SOBP: variants seen among roughly 807,000 people sequenced by gnomAD.
SOBP encodes sine oculis-binding protein homolog.
In SOBP, 4 loss-of-function variants were observed where a neutral mutation model predicts 53.6. That is an observed-to-expected ratio of 0.07 (90% CI 0.04 to 0.17). SOBP has a LOEUF of 0.17. SOBP is among the 10% of genes least tolerant of loss of function. The pLI, the probability that SOBP is intolerant of heterozygous loss-of-function variation, is 1.00. For synonymous variants in SOBP, 584 were observed against 522.6 expected (o/e 1.12, Z -1.60); for missense variants, 1,088 against 1,204.7 (o/e 0.90, Z 1.43).
At chr6:107,512,972 A>G (rs1443311859) in intron 3 of SOBP, among the ~76,000 whole-genome samples, 2 of 152,214 alleles carry the variant, frequency 1.3e-5, no homozygotes, top group Non-Finnish European at 2.9e-5. Flanking sequence ...AATGTGAAAA[A>G]AAGAGGGAAT....
chr6:107,537,852 T>G (rs1285333277), intron 4 of SOBP, among the ~76,000 whole-genome samples: 1 of 151,650 alleles, frequency 6.6e-6, no homozygotes, highest in African/African-American at 2.4e-5. Context: ...GAAATACTTC[T>G]TCAATATCAT....
intron 3 of SOBP, among the ~76,000 whole-genome samples, chr6:107,517,497 T>C (rs927509682): frequency 5.9e-5 from 9 of 152,180 alleles, no homozygotes; most frequent in Non-Finnish European, 8.8e-5. Context: ...ATCCTCATGA[T>C]CTCATTTAAC....
chr6:107,490,410 A>G lies in SOBP; in HGVS notation c.-207A>G, dbSNP rs1782546045. 6 of 486,556 alleles carry G rather than the reference A, an allele frequency of 1.2e-5. No homozygotes were observed. The Admixed American group carries it at 1.7e-4, about 14-fold the overall frequency. The allele number at this position is 486,556 out of a possible 1,614,324, so 30.1% of individuals were successfully genotyped here. A position where few individuals can be genotyped will look rare whatever the true frequency, so the allele number is the denominator to read the frequency against. ...ACTCTCCGCACTATCCTTACCCGTG[A>G]CAGCCACTGACGTCCTCCGCCGCTA... On this transcript the variant is annotated 5_prime_UTR_variant, in exon 1 of 7. Coordinates refer to ENST00000317357, the MANE Select transcript of SOBP (RefSeq NM_018013.4).
At chr6:107,534,925 C>T (rs1013919223) in intron 4 of SOBP, among the ~76,000 whole-genome samples, 1 of 152,190 alleles carries the variant, frequency 6.6e-6, no homozygotes, top group Middle Eastern at 3.4e-3. Context: ...TCTCTGAGAC[C>T]CCGGGGCTCC....
In SOBP at chr6:107,638,453, C is replaced by T. The variant is rs1771154573; in HGVS notation, c.*3+2984C>T. Among the ~76,000 whole-genome samples, 7 of 152,210 alleles carry T rather than the reference C, an allele frequency of 4.6e-5. No individual in the cohort carries two copies. The South Asian group carries it at 1.5e-3, about 32-fold the overall frequency. The stretch of plus-strand genomic sequence containing the variant: ...CTCGAACTCCTGACCTCAGGTGATC[C>T]ACCCACCTCGGCCTCCCAAAGTGCT... On this transcript the variant is annotated intron_variant, in intron 6 of 6. Coordinates refer to ENST00000317357, the MANE Select transcript of SOBP (RefSeq NM_018013.4).
intron 1 of SOBP, among the ~76,000 whole-genome samples, chr6:107,500,708 A>G (rs1355335349): frequency 6.6e-6 from 1 of 151,166 alleles, no homozygotes; most frequent in Middle Eastern, 3.2e-3. Flanking sequence ...TTTTTATTAG[A>G]GACGGATGGG....
chr6:107,649,476 C>CA (rs113367905), intron 6 of SOBP, among the ~76,000 whole-genome samples: 506 of 139,880 alleles, frequency 3.6e-3, no homozygotes, highest in South Asian at 7.6e-3. Context: ...GACCCTGTCT[C>CA]AAAAAAAAAA....
At chr6:107,499,507 C>G (rs912074827) in intron 1 of SOBP, among the ~76,000 whole-genome samples, 3 of 152,128 alleles carry the variant, frequency 2.0e-5, no homozygotes, top group African/African-American at 7.2e-5. Flanking sequence ...TGTGTCACTT[C>G]CAAGGGCAAG....
intron 1 of SOBP, among the ~76,000 whole-genome samples, chr6:107,503,227 A>G (rs1782889898): frequency 6.6e-6 from 1 of 152,216 alleles, no homozygotes. Context: ...CAACACCTAA[A>G]TCAGAAAGCA....
chr6:107,646,702 A>T (rs2115170198), intron 6 of SOBP, among the ~76,000 whole-genome samples: 1 of 152,306 alleles, frequency 6.6e-6, no homozygotes, highest in Admixed American at 6.5e-5. Context: ...AACCTTTTGG[A>T]TATGTCCTCT....
chr6:107,619,378 G>T (rs1397754583), intron 5 of SOBP, among the ~76,000 whole-genome samples: 1 of 152,168 alleles, frequency 6.6e-6, no homozygotes, highest in African/African-American at 2.4e-5. Flanking sequence ...GATGAATGAA[G>T]TTTAAGTATG....
At chr6:107,526,095 C>A (rs565932592) in intron 3 of SOBP, among the ~76,000 whole-genome samples, 8 of 152,010 alleles carry the variant, frequency 5.3e-5, no homozygotes, top group African/African-American at 1.9e-4. Flanking sequence ...TTACAGGCAG[C>A]CGCCACCATG....
intron 4 of SOBP, among the ~76,000 whole-genome samples, chr6:107,586,424 G>A (rs1297635376): frequency 3.9e-5 from 6 of 152,142 alleles, no homozygotes; most frequent in Admixed American, 3.3e-4. Flanking sequence ...TTGCTAATGG[G>A]TTCTGTTAAT....
intron 4 of SOBP, among the ~76,000 whole-genome samples, chr6:107,554,024 G>A (rs1018381699): frequency 2.0e-5 from 3 of 152,162 alleles, no homozygotes; most frequent in African/African-American, 7.2e-5. Flanking sequence ...GACATGTGCA[G>A]CCTAGAATGG....
chr6:107,566,083 T>C (rs756716013), intron 4 of SOBP, among the ~76,000 whole-genome samples: 1 of 152,248 alleles, frequency 6.6e-6, no homozygotes, highest in Non-Finnish European at 1.5e-5. Flanking sequence ...TATGAACTAA[T>C]TGGCTGATTT....
intron 5 of SOBP, among the ~76,000 whole-genome samples, chr6:107,604,591 TCCTTGTTA>T (rs1286170927): frequency 7.2e-6 from 1 of 138,744 alleles, no homozygotes; most frequent in Non-Finnish European, 1.5e-5. Flanking sequence ...ACAGCCCTGC[TCCTTGTTA>T]CCCATCTCCC....
At chr6:107,577,451 A>T (rs1785263798) in intron 4 of SOBP, among the ~76,000 whole-genome samples, 1 of 152,180 alleles carries the variant, frequency 6.6e-6, no homozygotes, top group Non-Finnish European at 1.5e-5. Flanking sequence ...ACATCCAGGG[A>T]CTCAGTTTCA....
chr6:107,599,390 C>A (rs1476605412), intron 5 of SOBP, among the ~76,000 whole-genome samples: 1 of 152,000 alleles, frequency 6.6e-6, no homozygotes. Context: ...AGTCCGAATC[C>A]GTTTTTTAAA....
At chr6:107,630,079 G>T (rs1770640756) in intron 5 of SOBP, among the ~76,000 whole-genome samples, 2 of 152,198 alleles carry the variant, frequency 1.3e-5, no homozygotes, top group African/African-American at 4.8e-5. Context: ...GGACCTGTTA[G>T]TGAGAGAAGT....
Sources: allele counts gnomAD v4.1 joint callset (sites outside exome capture counted in the v4.1 genomes callset), GRCh38; gene constraint gnomAD v4.1.1; transcripts MANE v1.5; gene names NCBI Gene and HGNC (gene_info 2026-07-23, HGNC 2026-07-21).